Variants in MUCL1 observed in about 807,000 individuals in gnomAD.
MUCL1 encodes the protein mucin like 1.
A neutral mutation model predicts 9.2 loss-of-function variants in MUCL1; 11 were observed. The observed-to-expected ratio is 1.19, with a 90% CI of 0.75 to 1.97. The LOEUF is 1.97. Among genes scored for constraint, MUCL1 ranks in the 30% most tolerant of loss-of-function variants. The probability of loss-of-function intolerance (pLI) is 0.00; values close to 1 mark genes in which losing one functional copy is unlikely to be tolerated. For synonymous variants in MUCL1, 48 were observed against 40.5 expected, an observed-to-expected ratio of 1.19 and a Z score of -0.71; for missense variants, 144 against 110.9, an observed-to-expected ratio of 1.30 and a Z score of -1.34.
upstream of MUCL1, among the ~76,000 whole-genome samples, chr12:54,852,026 A>G: frequency 6.6e-6 from 1 of 152,236 alleles, no homozygotes; most frequent in Non-Finnish European, 1.5e-5. Flanking sequence ...CAAATGGAAG[A>G]ACATTCCATG....
upstream of MUCL1, chr12:54,854,421 A>C: frequency 1.7e-6 from 1 of 582,004 alleles, no homozygotes; most frequent in Non-Finnish European, 3.0e-6. Flanking sequence ...TTTGTGTCCC[A>C]ACGTTTCCTG....
At chr12:54,841,389 A>T (rs937152826) in intron 1 of MUCL1, among the ~76,000 whole-genome samples, 2 of 151,932 alleles carry the variant, frequency 1.3e-5, no homozygotes, top group African/African-American at 4.8e-5. Flanking sequence ...TATGGTAGTT[A>T]TTTTTTTTAA....
chr12:54,833,806 C>A (rs1166778965), intron 1 of MUCL1, among the ~76,000 whole-genome samples: 1 of 133,034 alleles, frequency 7.5e-6, no homozygotes, highest in Admixed American at 8.7e-5. Context: ...GAACATCACA[C>A]TCTGGGGACT....
intron 1 of MUCL1, among the ~76,000 whole-genome samples, chr12:54,833,475 G>A (rs1959188110): frequency 6.6e-6 from 1 of 151,682 alleles, no homozygotes; most frequent in Admixed American, 6.6e-5. Context: ...CTATCTAATT[G>A]TTTTAATTTT....
At chr12:54,848,420 T>G (rs182087959) in intron 1 of MUCL1, among the ~76,000 whole-genome samples, 1 of 152,326 alleles carries the variant, frequency 6.6e-6, no homozygotes, top group Admixed American at 6.5e-5. Flanking sequence ...ATGACCCAGC[T>G]GTGTGTTTTT....
intron 1 of MUCL1, among the ~76,000 whole-genome samples, chr12:54,844,557 C>A (rs976970437): frequency 2.6e-5 from 4 of 152,170 alleles, no homozygotes; most frequent in African/African-American, 9.7e-5. Context: ...ACTGATGACA[C>A]TTTTGACATT....
At chr12:54,854,159 T>C (rs1437051698), upstream of MUCL1, among the ~76,000 whole-genome samples, 1 of 152,178 alleles carries the variant, frequency 6.6e-6, no homozygotes, top group Non-Finnish European at 1.5e-5. Flanking sequence ...TGTAAGTGTA[T>C]GACTCCTAGA....
intron 1 of MUCL1, among the ~76,000 whole-genome samples, chr12:54,831,919 C>T (rs4525329): frequency 0.47 from 71,853 of 151,786 alleles, 17,438 homozygotes; most frequent in East Asian, 0.83. Flanking sequence ...AGAAACCTTA[C>T]TAATGGTTAA....
intron 3 of MUCL1, among the ~76,000 whole-genome samples, chr12:54,857,962 T>C (rs1868313012): frequency 6.6e-6 from 1 of 152,170 alleles, no homozygotes; most frequent in South Asian, 2.1e-4. Context: ...TTTCTTCTAG[T>C]TCTCTCTAAA....
At chr12:54,855,038 T>C in intron 1 of MUCL1, 78 bp from the exon 2 acceptor site, 4 of 1,224,832 alleles carry the variant, frequency 3.3e-6, no homozygotes, top group Non-Finnish European at 4.8e-6. Flanking sequence ...GTCTGGAATA[T>C]TGTCCATATT....
upstream of MUCL1, among the ~76,000 whole-genome samples, chr12:54,834,773 G>A (rs1033379638): frequency 6.6e-6 from 1 of 151,828 alleles, no homozygotes; most frequent in South Asian, 2.1e-4. Context: ...ATAATTTTGG[G>A]GGTAAAAGTG....
At chr12:54,841,174 C>T (rs2085129) in intron 1 of MUCL1, among the ~76,000 whole-genome samples, 79,513 of 152,082 alleles carry the variant, frequency 0.52, 21,258 homozygotes, top group East Asian at 0.86. Context: ...CTTCCTTCTT[C>T]TTTTAGCCTA....
At chr12:54,845,240 G>A (rs1241577644) in intron 1 of MUCL1, among the ~76,000 whole-genome samples, 1 of 152,084 alleles carries the variant, frequency 6.6e-6, no homozygotes, top group Non-Finnish European at 1.5e-5. Context: ...TTGTTACTGA[G>A]CAATGAGCTC....
chr12:54,851,446 C>A (rs958578840), upstream of MUCL1, among the ~76,000 whole-genome samples: 1 of 152,102 alleles, frequency 6.6e-6, no homozygotes, highest in African/African-American at 2.4e-5. Context: ...AGGCCTTTGA[C>A]AAAATTCAAC....
At chr12:54,853,417 G>A (rs949417230), upstream of MUCL1, among the ~76,000 whole-genome samples, 2 of 152,288 alleles carry the variant, frequency 1.3e-5, no homozygotes, top group Non-Finnish European at 2.9e-5. Flanking sequence ...ACTTGGGGCA[G>A]TGCTGGGCCC....
intron 1 of MUCL1, among the ~76,000 whole-genome samples, chr12:54,848,626 A>T (rs1959290725): frequency 6.6e-6 from 1 of 152,224 alleles, no homozygotes; most frequent in African/African-American, 2.4e-5. Context: ...ATAGATAAAA[A>T]GATTAGAATA....
At chr12:54,849,577 A>T (rs904367403), upstream of MUCL1, among the ~76,000 whole-genome samples, 2 of 152,128 alleles carry the variant, frequency 1.3e-5, no homozygotes, top group Non-Finnish European at 2.9e-5. Context: ...GTATACATAT[A>T]TAGAGAGATA....
intron 1 of MUCL1, among the ~76,000 whole-genome samples, chr12:54,848,159 A>G (rs1341471033): frequency 1.3e-5 from 2 of 151,240 alleles, no homozygotes; most frequent in East Asian, 1.9e-4. Flanking sequence ...GGTTCTTCCA[A>G]TTTCTCTGTG....
At chr12:54,845,843 G>A (rs985250827) in intron 1 of MUCL1, among the ~76,000 whole-genome samples, 1 of 152,032 alleles carries the variant, frequency 6.6e-6, no homozygotes, top group African/African-American at 2.4e-5. Flanking sequence ...TTTAACATGG[G>A]TGCAATGTGT....
Sources: allele counts gnomAD v4.1 joint callset (sites outside exome capture counted in the v4.1 genomes callset), GRCh38; gene constraint gnomAD v4.1.1; transcripts MANE v1.5; gene names NCBI Gene and HGNC (gene_info 2026-07-23, HGNC 2026-07-21).